Variants in TBX20 observed in about 807,000 individuals in gnomAD.
TBX20 encodes T-box transcription factor 20, also known as T-box transcription factor TBX20.
TBX20 carries 8 observed loss-of-function variants against 42.9 expected under a neutral mutation model. The ratio of observed to expected loss-of-function variants is 0.19; its 90% CI spans 0.11 to 0.34. The LOEUF (loss-of-function observed/expected upper bound fraction) is 0.34. TBX20 is among the 10% of genes least tolerant of loss of function. The pLI is 1.00. For missense variants in TBX20, 411 were observed against 566.0 expected, an observed-to-expected ratio of 0.73 and a Z score of 2.78; for synonymous variants, 198 against 222.8, an observed-to-expected ratio of 0.89 and a Z score of 0.99.
chr7:35,241,793 C>T (rs1378425055), intron 4 of TBX20, among the ~76,000 whole-genome samples: 4 of 152,074 alleles, frequency 2.6e-5, no homozygotes, highest in Non-Finnish European at 4.4e-5. Flanking sequence ...ATAAACACAC[C>T]CTTGTTAACA....
chr7:35,223,711 G>T (rs543267158), intron 6 of TBX20, among the ~76,000 whole-genome samples: 3 of 152,282 alleles, frequency 2.0e-5, no homozygotes, highest in South Asian at 2.1e-4. Context: ...TTTGACAAGG[G>T]TGGACTAGAG....
rs375371225 is a variant in TBX20, at chr7:35,250,127, A to G, written c.204T>C (p.Gly68=). The G allele has an allele frequency of 2.9e-5, 47 of 1,613,856 alleles. No homozygotes were observed. Among genetic ancestry groups the G allele is most frequent in the Non-Finnish European group, 3.9e-5 (46 of 1,179,928 alleles). The change falls in exon 2 of 8, where the codon GGT becomes GGC. Residue 68 remains glycine (G), a synonymous_variant. Transcript: ENST00000408931. ...AGGACGGGCTGCTGCCACTGCCTCCACCAAACTCCCCATGAGCATCCAGGC... is the reference window on the plus strand; with the variant it reads ...AGGACGGGCTGCTGCCACTGCCTCCGCCAAACTCCCCATGAGCATCCAGGC... The part of the protein sequence containing the change: ...LTSLDAHGEF[G]GGSGSSPSSS...
At chr7:35,245,390 C>T (rs142350313) in intron 3 of TBX20, among the ~76,000 whole-genome samples, 5 of 151,114 alleles carry the variant, frequency 3.3e-5, no homozygotes, top group African/African-American at 1.2e-4. Context: ...TTCGATCAAA[C>T]GCAAAATCTT....
At chr7:35,203,146 A>C (rs753271855) in intron 7 of TBX20, among the ~76,000 whole-genome samples, 109 of 152,318 alleles carry the variant, frequency 7.2e-4, no homozygotes, top group Middle Eastern at 3.4e-3. Flanking sequence ...AATGTAAGAA[A>C]TATCTACCAA....
At chr7:35,240,593 G>T (rs1469914278) in intron 5 of TBX20, among the ~76,000 whole-genome samples, 2 of 152,128 alleles carry the variant, frequency 1.3e-5, no homozygotes, top group African/African-American at 4.8e-5. Context: ...GGAAAAGGAG[G>T]CAAGTAACTT....
chr7:35,238,944 C>T (rs1790020925), intron 5 of TBX20, among the ~76,000 whole-genome samples: 1 of 151,802 alleles, frequency 6.6e-6, no homozygotes, highest in Non-Finnish European at 1.5e-5. Context: ...TGAGACAGCC[C>T]CATCATAACC....
chr7:35,251,190 C>A (rs888051160), intron 1 of TBX20, among the ~76,000 whole-genome samples: 2 of 152,174 alleles, frequency 1.3e-5, no homozygotes, highest in Non-Finnish European at 2.9e-5. Flanking sequence ...TCTTCCATCC[C>A]TTAAAAAAGA....
intron 5 of TBX20, among the ~76,000 whole-genome samples, chr7:35,236,788 A>G (rs1789975308): frequency 6.6e-6 from 1 of 152,214 alleles, no homozygotes; most frequent in African/African-American, 2.4e-5. Context: ...CTATGAGAAA[A>G]TTAATTCTGA....
intron 6 of TBX20, among the ~76,000 whole-genome samples, chr7:35,226,935 A>G (rs1472735314): frequency 6.6e-6 from 1 of 152,114 alleles, no homozygotes; most frequent in Non-Finnish European, 1.5e-5. Context: ...AGGCATTATC[A>G]TTACAGGAGA....
chr7:35,211,697 T>A (rs1789500283), intron 6 of TBX20, among the ~76,000 whole-genome samples: 1 of 152,174 alleles, frequency 6.6e-6, no homozygotes. Flanking sequence ...GATGGGTTTA[T>A]CCAACCATAA....
At position 35,244,393 on chromosome 7, in the gene TBX20, C is replaced by T. The variant is rs556070831; in HGVS notation, c.654+556G>A. ...TGTTTTGTTTTTAATTACAGGGCTTCTTTATGCTTTAATATTCATGAAACT... is the reference window on the plus strand; with the variant it reads ...TGTTTTGTTTTTAATTACAGGGCTTTTTTATGCTTTAATATTCATGAAACT... On this transcript the variant is annotated intron_variant, in intron 4 of 7. Coordinates refer to ENST00000408931, the MANE Select transcript of TBX20 (RefSeq NM_001077653.2). 4.0e-5 allele frequency among the ~76,000 whole-genome samples: 6 copies of T among 150,134 alleles called. No individual in the cohort carries two copies. The South Asian group carries it at 1.3e-3, about 32-fold the overall frequency.
intron 1 of TBX20, among the ~76,000 whole-genome samples, chr7:35,251,174 C>G (rs1361275165): frequency 6.6e-6 from 1 of 152,160 alleles, no homozygotes; most frequent in Non-Finnish European, 1.5e-5. Context: ...GTAATTGTCC[C>G]AATTATCTTC....
At chr7:35,239,744 T>G (rs116275418) in intron 5 of TBX20, among the ~76,000 whole-genome samples, 1 of 151,978 alleles carries the variant, frequency 6.6e-6, no homozygotes, top group African/African-American at 2.4e-5. Flanking sequence ...AATTTAAGTT[T>G]TTTTTTTTAA....
chr7:35,252,453 A>G (rs933552732), intron 1 of TBX20, among the ~76,000 whole-genome samples: 4 of 151,832 alleles, frequency 2.6e-5, no homozygotes, highest in African/African-American at 9.7e-5. Flanking sequence ...AAGTAGCTAC[A>G]GGAATTTTAC....
intron 6 of TBX20, among the ~76,000 whole-genome samples, chr7:35,209,124 T>C (rs1389346607): frequency 6.6e-6 from 1 of 152,140 alleles, no homozygotes; most frequent in Non-Finnish European, 1.5e-5. Context: ...AAATTCTGTT[T>C]AGAATTTTTC....
chr7:35,225,793 G>A (rs1393282531), intron 6 of TBX20, among the ~76,000 whole-genome samples: 1 of 152,122 alleles, frequency 6.6e-6, no homozygotes, highest in Non-Finnish European at 1.5e-5. Flanking sequence ...CTGACAAAAA[G>A]ATTTCAAAGA....
chr7:35,238,981 C>T (rs1790022180), intron 5 of TBX20, among the ~76,000 whole-genome samples: 2 of 152,052 alleles, frequency 1.3e-5, no homozygotes, highest in Non-Finnish European at 2.9e-5. Flanking sequence ...GAGCACCTTA[C>T]AGCTTCCAAA....
chr7:35,219,351 A>T (rs1789642476), intron 6 of TBX20, among the ~76,000 whole-genome samples: 1 of 152,236 alleles, frequency 6.6e-6, no homozygotes, highest in Non-Finnish European at 1.5e-5. Context: ...CACATACAAT[A>T]CTTAACAACA....
chr7:35,231,715 C>T, intron 5 of TBX20, 135 bp from the exon 6 acceptor site: 1 of 698,448 alleles, frequency 1.4e-6, no homozygotes, highest in South Asian at 1.5e-5. Flanking sequence ...GTGGAAAATG[C>T]TACACATGTT....
Sources: gnomAD v4.1 joint callset for allele counts (sites outside exome capture counted in the v4.1 genomes callset) on GRCh38, gnomAD v4.1.1 for gene constraint, MANE v1.5 for transcripts, NCBI Gene and HGNC (gene_info 2026-07-23, HGNC 2026-07-21) for gene names.